The following FAM120AOS variants were observed in gnomAD, a reference collection of about 807,000 sequenced individuals.
FAM120AOS encodes family with sequence similarity 120 member A opposite strand.
FAM120AOS carries 15 observed loss-of-function variants against 20.2 expected under a neutral mutation model. The ratio of observed to expected loss-of-function variants is 0.74; its 90% confidence interval spans 0.50 to 1.15. The LOEUF is 1.15. FAM120AOS is among the 50% of genes most tolerant of loss of function. The probability of loss-of-function intolerance (pLI) is 0.00; values close to 1 mark genes in which losing one functional copy is unlikely to be tolerated. For missense variants in FAM120AOS, 327 were observed against 351.9 expected (o/e 0.93, Z 0.57); for synonymous variants, 154 against 154.0 (o/e 1.00, Z 0.00).
chr9:93,449,513 T>TTTTTTTA (rs1856995309), intron 2 of FAM120AOS, among the ~76,000 whole-genome samples: 1 of 149,318 alleles, frequency 6.7e-6, no homozygotes, highest in Admixed American at 6.7e-5. Flanking sequence ...TTTTTTTTTT[T>TTTTTTTA]GAGATGGAGC....
In FAM120AOS at chr9:93,449,447, G is replaced by A. The variant is rs1463547260; in HGVS notation, c.684+1032C>T. ...ACCTTAGACCTCTACAATATAATAA[G>A]GTGAAAATAAATTTATTTCCAGAAT... is the stretch of plus-strand genomic sequence containing the variant. On this transcript the variant is annotated intron_variant, in intron 2 of 2. Coordinates refer to ENST00000375412, the MANE Select transcript of FAM120AOS (RefSeq NM_198841.4). Among the ~76,000 whole-genome samples, 11 of 150,830 alleles carry A rather than the reference G, an allele frequency of 7.3e-5. No homozygotes were observed. In the East Asian group the frequency reaches 1.8e-3, roughly 24 times the overall value.
Position 93,447,433 on chromosome 9 carries a change from G to A in FAM120AOS, c.*178C>T. 1 of 602,292 alleles carries A rather than the reference G, an allele frequency of 1.7e-6. No homozygotes were observed. 37.3% of individuals were successfully genotyped at this position (602,292 alleles called of 1,614,324 possible). ...CCTCTCTTGACCTTCACATTCAGAT[G>A]TGTTAATAAAAGTGGATAAAGACCA... On this transcript the variant is annotated 3_prime_UTR_variant, in exon 3 of 3. Transcript: ENST00000375412.
At position 93,453,158 on chromosome 9, in the gene FAM120AOS, AG is replaced by A; in HGVS notation, c.-450del. 1 of 1,003,264 alleles carries A rather than the reference AG, an allele frequency of 1.0e-6. No individual in the cohort carries two copies. Among genetic ancestry groups the A allele is most frequent in the Non-Finnish European group, 1.2e-6 (1 of 841,980 alleles). 62.1% of individuals were successfully genotyped at this position (1,003,264 alleles called of 1,614,324 possible). A position where few individuals can be genotyped will look rare whatever the true frequency, so the allele number is the denominator to read the frequency against. On this transcript the variant is annotated 5_prime_UTR_variant, in exon 1 of 3. Coordinates refer to ENST00000375412, the MANE Select transcript of FAM120AOS (RefSeq NM_198841.4). ...CATGCGAAAGGAGTCGCTCAAAATC[AG>A]GGGGCGAACTACGCGGGCGTGAACT...
intron 1 of FAM120AOS, chr9:93,451,883 G>GCCCGCA (rs1857240710): frequency 8.4e-6 from 6 of 712,198 alleles, no homozygotes; most frequent in South Asian, 5.1e-5. Flanking sequence ...GCCGCCCCCC[G>GCCCGCA]CCCGCACCCG....
At position 93,445,482 on chromosome 9, in the gene FAM120AOS, C is replaced by G. The variant is rs1232556810; in HGVS notation, c.*2129G>C. Among the ~76,000 whole-genome samples the G allele has an allele frequency of 2.6e-5, 4 of 151,664 alleles. No individual in the cohort carries two copies. Among genetic ancestry groups the G allele is most frequent in the Non-Finnish European group, 5.9e-5 (4 of 67,970 alleles). ...GACTACAGTAAGAGTGGGGTTCATT[C>G]ATGTCATCAACAGCATCCCAGCTGT... On this transcript the variant is annotated 3_prime_UTR_variant, in exon 3 of 3. Coordinates refer to ENST00000375412, the MANE Select transcript of FAM120AOS (RefSeq NM_198841.4).
In FAM120AOS at chr9:93,443,464, G is replaced by A. The variant is rs1856758511; in HGVS notation, c.*4147C>T. Reference sequence around the variant, plus strand: ...TAATGATTATGAACAGCACATGGCAGTTTCAGGTTGGAAGGTCATTTTTAC... The same window carrying A: ...TAATGATTATGAACAGCACATGGCAATTTCAGGTTGGAAGGTCATTTTTAC... On this transcript the variant is annotated 3_prime_UTR_variant, in exon 3 of 3. Coordinates refer to ENST00000375412, the MANE Select transcript of FAM120AOS (RefSeq NM_198841.4). 6.6e-6 allele frequency among the ~76,000 whole-genome samples: 1 copy of A among 152,252 alleles called. No homozygotes were observed. The highest frequency in any genetic ancestry group is 2.1e-4 in the South Asian group (1 of 4,836).
Position 93,445,897 on chromosome 9 carries a change from C to T in FAM120AOS, c.*1714G>A, listed in dbSNP as rs1282176997. On this transcript the variant is annotated 3_prime_UTR_variant, in exon 3 of 3. Transcript: ENST00000375412. ...CTTCCTAGTTTAACCAAACTGGAGG[C>T]ATGTTTTATATGATGGGCTGATGTC... Among the ~76,000 whole-genome samples, 4 of 152,096 alleles carry T rather than the reference C, an allele frequency of 2.6e-5. No individual in the cohort carries two copies. Among genetic ancestry groups the T allele is most frequent in the Non-Finnish European group, 5.9e-5 (4 of 68,026 alleles).
At chr9:93,451,854 C>T (rs1857234780) in intron 1 of FAM120AOS, 3 of 980,278 alleles carry the variant, frequency 3.1e-6, no homozygotes, top group East Asian at 9.8e-5. Context: ...CGCGCCACGG[C>T]CCCACCACCC....
rs116107026 is a variant in FAM120AOS, at chr9:93,447,962, T to C, written c.685-265A>G. On this transcript the variant is annotated intron_variant, in intron 2 of 2. Coordinates refer to ENST00000375412, the MANE Select transcript of FAM120AOS (RefSeq NM_198841.4). ...GTGTGTTCTTCTGGGTAATTTAAAT[T>C]GACAATTAATTAACAGGGCTGGTGC... Among the ~76,000 whole-genome samples the C allele has an allele frequency of 1.8e-3, 280 of 152,304 alleles. 2 individuals are homozygous for C. The highest frequency in any genetic ancestry group is 6.5e-3 in the African/African-American group (270 of 41,570).
intron 2 of FAM120AOS, 119 bp from the exon 3 acceptor site, chr9:93,447,816 CTGA>C (rs1398959306): frequency 3.2e-5 from 27 of 852,072 alleles, no homozygotes; most frequent in Non-Finnish European, 4.2e-5. Flanking sequence ...TCTGCTACTG[CTGA>C]TAACTCATAG....
At position 93,452,943 on chromosome 9, in the gene FAM120AOS, C is replaced by A; in HGVS notation, c.-234G>T. 7.2e-7 allele frequency: 1 copy of A among 1,397,650 alleles called. No individual in the cohort carries two copies. The highest frequency in any genetic ancestry group is 9.2e-7 in the Non-Finnish European group (1 of 1,081,188). The allele number at this position is 1,397,650 out of a possible 1,614,324, so 86.6% of individuals were successfully genotyped here. A position where few individuals can be genotyped will look rare whatever the true frequency, so the allele number is the denominator to read the frequency against. ...CGAGACGTGTCTAAGGGCCAGTGCC[C>A]TGGCCTCTACTTCAGAACGCAGTGC... On this transcript the variant is annotated 5_prime_UTR_variant, in exon 1 of 3. The change creates a new upstream start codon in the 5' untranslated region. Coordinates refer to ENST00000375412, the MANE Select transcript of FAM120AOS (RefSeq NM_198841.4). This position sits in a 1 kb window ranked among gnomAD's most constrained non-coding sequence, Gnocchi z 7.0.
In FAM120AOS at chr9:93,444,614, C is replaced by CT. The variant is rs143027778; in HGVS notation, c.*2996dup. 0.07 allele frequency among the ~76,000 whole-genome samples: 10,040 copies of CT among 143,410 alleles called. 374 individuals are homozygous for CT. The highest frequency in any genetic ancestry group is 0.09 in the Admixed American group (1,290 of 14,346). 94.1% of individuals were successfully genotyped at this position (143,410 alleles called of 152,430 possible). ...GTTTTGAGGCCAGTAAGGAGTTCTG[C>CT]TTTTTTTTTTTTTTCCTGAGACGGA... On this transcript the variant is annotated 3_prime_UTR_variant, in exon 3 of 3. Transcript: ENST00000375412.
chr9:93,451,488 A>C, intron 1 of FAM120AOS: 1 of 1,050,614 alleles, frequency 9.5e-7, no homozygotes, highest in Non-Finnish European at 1.1e-6. Context: ...TCCGGCTCAG[A>C]AGCCTCCCGG....
At chr9:93,449,002 A>G (rs780033494) in intron 2 of FAM120AOS, among the ~76,000 whole-genome samples, 17 of 152,016 alleles carry the variant, frequency 1.1e-4, no homozygotes, top group Non-Finnish European at 1.0e-4. Context: ...TGCAGAGTAT[A>G]TAAGTGTTTG....
chr9:93,450,929 C>T (rs1391425446), intron 1 of FAM120AOS: 2 of 1,262,436 alleles, frequency 1.6e-6, no homozygotes, highest in Non-Finnish European at 1.1e-6. Flanking sequence ...GCAGGCTTTC[C>T]CACGCTGCAA....
chr9:93,443,364 C>G lies in FAM120AOS; in HGVS notation c.*4247G>C, dbSNP rs1254329250. 1.3e-5 allele frequency among the ~76,000 whole-genome samples: 2 copies of G among 152,126 alleles called. No individual in the cohort carries two copies. Among genetic ancestry groups the G allele is most frequent in the Non-Finnish European group, 2.9e-5 (2 of 68,024 alleles). ...ATATTTACTTTATTGTTTCCTTATA[C>G]ATTTCTAACAGTACAAGATTATCAA... On this transcript the variant is annotated 3_prime_UTR_variant, in exon 3 of 3. Coordinates refer to ENST00000375412, the MANE Select transcript of FAM120AOS (RefSeq NM_198841.4).
At chr9:93,450,209 G>C (rs1247743072) in intron 2 of FAM120AOS, among the ~76,000 whole-genome samples, 1 of 151,450 alleles carries the variant, frequency 6.6e-6, no homozygotes, top group Non-Finnish European at 1.5e-5. Context: ...GGCTGGTCTC[G>C]AACTCCTGAT....
At chr9:93,450,795 C>T (rs909615803) in intron 1 of FAM120AOS, 196 bp from the exon 2 acceptor site, 4 of 984,176 alleles carry the variant, frequency 4.1e-6, no homozygotes, top group Non-Finnish European at 6.3e-6. Flanking sequence ...ACAGAATTTA[C>T]GTAAACGACC....
At chr9:93,449,894 T>G (rs961778007) in intron 2 of FAM120AOS, among the ~76,000 whole-genome samples, 1 of 152,242 alleles carries the variant, frequency 6.6e-6, no homozygotes, top group Non-Finnish European at 1.5e-5. Context: ...CTACTACTCC[T>G]CACCTTGTGA....
Sources: allele counts gnomAD v4.1 joint callset (sites outside exome capture counted in the v4.1 genomes callset), GRCh38; gene constraint gnomAD v4.1.1; non-coding constraint Gnocchi (gnomAD v3.1); transcripts MANE v1.5; gene names NCBI Gene and HGNC (gene_info 2026-07-23, HGNC 2026-07-21).